The following RIF1 variants were observed in gnomAD, a reference collection of about 807,000 sequenced individuals.
RIF1 encodes telomere-associated protein RIF1.
Under a neutral mutation model 247.1 loss-of-function variants are expected in RIF1, and 45 were observed. That is an observed-to-expected ratio of 0.18 (90% CI 0.14 to 0.23). The LOEUF (loss-of-function observed/expected upper bound fraction) is 0.23. Ranked by LOEUF, RIF1 falls within the 10% of genes least tolerant of loss-of-function variation. The pLI is 1.00. For synonymous variants in RIF1, 1,087 were observed against 978.8 expected, an observed-to-expected ratio of 1.11 and a Z score of -2.06; for missense variants, 2,967 against 2,862.5, an observed-to-expected ratio of 1.04 and a Z score of -0.83.
intron 10 of RIF1, among the ~76,000 whole-genome samples, chr2:151,496,728 T>C (rs1361228880): frequency 6.6e-6 from 1 of 152,098 alleles, no homozygotes; most frequent in East Asian, 1.9e-4. Context: ...TAAAAAATGA[T>C]TGAAAATATC....
intron 10 of RIF1, chr2:151,497,164 G>A: frequency 7.7e-7 from 1 of 1,301,478 alleles, no homozygotes; most frequent in Non-Finnish European, 1.1e-6. Flanking sequence ...GTTATATGCT[G>A]ACAAAATGCC....
In RIF1 at chr2:151,426,168, ATTTTTTTTTT is replaced by A. The variant is rs35001554; in HGVS notation, c.787-2601_787-2592del. Among the ~76,000 whole-genome samples the A allele has an allele frequency of 3.5e-3, 206 of 58,222 alleles. 3 individuals carry two copies. The highest frequency in any genetic ancestry group is 0.013 in the African/African-American group (195 of 14,450). 38.2% of individuals were successfully genotyped at this position (58,222 alleles called of 152,430 possible). On this transcript the variant is annotated intron_variant, in intron 8 of 35. Transcript: ENST00000444746. ...TTTTTCAGGATTGTTTTGGCTTTTA[ATTTTTTTTTT>A]TTTTTTTTTTTTTTGAGCTGGAGAC...
intron 30 of RIF1, among the ~76,000 whole-genome samples, chr2:151,467,290 A>G (rs544281298): frequency 6.6e-6 from 1 of 152,288 alleles, no homozygotes; most frequent in East Asian, 1.9e-4. Context: ...GAACTTTGCA[A>G]GATACACTGA....
downstream of RIF1, chr2:151,486,216 A>C: frequency 3.2e-6 from 1 of 315,798 alleles, no homozygotes; most frequent in South Asian, 6.5e-5. Flanking sequence ...TCTCCAAAAA[A>C]GATAGACAAA....
rs1360331254 is a variant in RIF1 at position 151,479,304 on chromosome 2, A to G, written c.*4233A>G. 6.6e-6 allele frequency: 1 copy of G among 152,216 alleles called. No individual in the cohort carries two copies. Among genetic ancestry groups the G allele is most frequent in the Non-Finnish European group, 1.5e-5 (1 of 68,044 alleles). 9.4% of individuals were successfully genotyped at this position (152,216 alleles called of 1,614,324 possible). A position where few individuals can be genotyped will look rare whatever the true frequency, so the allele number is the denominator to read the frequency against. On this transcript the variant is annotated 3_prime_UTR_variant, in exon 36 of 36. Coordinates refer to ENST00000444746, the MANE Select transcript of RIF1 (RefSeq NM_018151.5). ...GCTTAAGAGCCTTTTAAAAATATGGACGATTTATTTTTTAAGTAGGCAGAC... is the reference window on the plus strand; with the variant it reads ...GCTTAAGAGCCTTTTAAAAATATGGGCGATTTATTTTTTAAGTAGGCAGAC...
rs1697532623 is a variant in RIF1 at position 151,469,916 on chromosome 2, A to T, written c.7095+52A>T. 5 of 1,330,740 alleles carry T rather than the reference A, an allele frequency of 3.8e-6. No homozygotes were observed. The South Asian group carries it at 7.7e-5, about 21-fold the overall frequency. 82.4% of individuals were successfully genotyped at this position (1,330,740 alleles called of 1,614,324 possible). On this transcript the variant is annotated intron_variant, in intron 34 of 35. Transcript: ENST00000444746. ...GTATATTAATAAATGATGTAGCAGT[A>T]CAGTTACAGAAGTTTGTTAAAAGAT... is the stretch of plus-strand genomic sequence containing the variant.
the RIF1 span, chr2:151,518,382 T>C: frequency 1.2e-6 from 2 of 1,612,282 alleles, no homozygotes; most frequent in Middle Eastern, 1.6e-4. Flanking sequence ...TATGGTGTGG[T>C]AGTGGCCTTT....
In RIF1 at chr2:151,467,363, G is replaced by A. The variant is rs530256160; in HGVS notation, c.6601-637G>A. On this transcript the variant is annotated intron_variant, in intron 30 of 35. Coordinates refer to ENST00000444746, the MANE Select transcript of RIF1 (RefSeq NM_018151.5). ...TTTGTTTTGTTTGTTTGTTTTTTGA[G>A]ATGGAGTCTTACTCTGTCTGTAAGA... 8.5e-5 allele frequency among the ~76,000 whole-genome samples: 13 copies of A among 152,210 alleles called. No homozygotes were observed. The South Asian group carries it at 2.7e-3, about 32-fold the overall frequency.
intron 8 of RIF1, among the ~76,000 whole-genome samples, chr2:151,427,296 G>T (rs1026035471): frequency 4.7e-5 from 7 of 150,332 alleles, no homozygotes; most frequent in Non-Finnish European, 8.9e-5. Context: ...CTGCAGCCTC[G>T]GCCTCTCAGG....
chr2:151,432,320 CTT>C (rs1476845581), intron 9 of RIF1, among the ~76,000 whole-genome samples: 6 of 152,066 alleles, frequency 3.9e-5, no homozygotes, highest in Non-Finnish European at 1.5e-5. Context: ...CTTTTAAGGT[CTT>C]TTTGACAAGT....
chr2:151,443,536 C>T lies in RIF1; in HGVS notation c.1813C>T (p.Leu605Phe). 6.4e-7 allele frequency: 1 copy of T among 1,567,424 alleles called. No individual in the cohort carries two copies. The highest frequency in any genetic ancestry group is 2.3e-5 in the East Asian group (1 of 43,986). Residue 605 changes from leucine (L) to phenylalanine (F), a missense_variant, in exon 18 of 36, where the codon CTC becomes TTC. Leu to Phe is a conservative substitution (Grantham distance 22, BLOSUM62 0). Around this residue, in one of 7 missense-constraint regions of RIF1, gnomAD observed 369 missense variants for 322.0 expected, o/e 1.15. Coordinates refer to ENST00000444746, the MANE Select transcript of RIF1 (RefSeq NM_018151.5). ...TTATAATTTTTTGTTCAGGTTCTTTCTCAGTTTGGAATCACTTGTAGGCTG... is the reference window on the plus strand; with the variant it reads ...TTATAATTTTTTGTTCAGGTTCTTTTTCAGTTTGGAATCACTTGTAGGCTG... ...ECGVSDERFFLSLESLVGCVL... is the reference protein window; with the variant it reads ...ECGVSDERFFFSLESLVGCVL...
intron 10 of RIF1, among the ~76,000 whole-genome samples, chr2:151,434,252 C>T (rs1276622827): frequency 2.6e-5 from 4 of 151,670 alleles, no homozygotes; most frequent in Non-Finnish European, 4.4e-5. Flanking sequence ...TTTCTTGCTC[C>T]GTTTTCTAGG....
At chr2:151,534,427 G>A in the RIF1 span, 59 of 896,970 alleles carry the variant, frequency 6.6e-5, no homozygotes, top group African/African-American at 7.2e-4. Flanking sequence ...CTCTAGTGGC[G>A]GGCTCCCAAC....
chr2:151,503,437 A>G (rs1267639761), intron 12 of RIF1: 7 of 1,602,112 alleles, frequency 4.4e-6, no homozygotes, highest in African/African-American at 1.3e-5. Flanking sequence ...TTCTTTGTAC[A>G]TAACCTGTAG....
chr2:151,514,741 A>G, the RIF1 span: 1 of 1,049,562 alleles, frequency 9.5e-7, no homozygotes, highest in Non-Finnish European at 1.4e-6. Context: ...TGTAAATGGT[A>G]GGAGGAACAC....
chr2:151,526,186 G>A, the RIF1 span: 11 of 1,613,916 alleles, frequency 6.8e-6, no homozygotes, highest in Admixed American at 3.3e-5. Flanking sequence ...GACAGTCTTC[G>A]CCAGCAGGAT....
chr2:151,432,754 C>T (rs892578883), intron 9 of RIF1, among the ~76,000 whole-genome samples: 2 of 152,216 alleles, frequency 1.3e-5, no homozygotes, highest in South Asian at 4.1e-4. Flanking sequence ...TCTCTACTCA[C>T]TAAGATGTCA....
chr2:151,441,624 A>G (rs1024586117), intron 15 of RIF1, among the ~76,000 whole-genome samples: 5 of 152,250 alleles, frequency 3.3e-5, no homozygotes, highest in African/African-American at 1.2e-4. Flanking sequence ...ATATACAGAA[A>G]TTTAGAAGGT....
chr2:151,498,810 T>G (rs549612614), intron 10 of RIF1, among the ~76,000 whole-genome samples: 2 of 151,932 alleles, frequency 1.3e-5, no homozygotes, highest in Admixed American at 1.3e-4. Context: ...TCAAAAGAAG[T>G]CAGAGTATTT....
Sources: gnomAD v4.1 joint callset for allele counts (sites outside exome capture counted in the v4.1 genomes callset) on GRCh38, gnomAD v4.1.1 for gene constraint, gnomAD v4.1.1 regional missense constraint, MANE v1.5 for transcripts, NCBI Gene and HGNC (gene_info 2026-07-23, HGNC 2026-07-21) for gene names.